The following SLIT3 variants were observed in gnomAD, a reference collection of about 807,000 sequenced individuals.
SLIT3 encodes the protein slit homolog 3 protein.
A neutral mutation model predicts 184.0 loss-of-function variants in SLIT3; 68 were observed. That is an observed-to-expected ratio of 0.37 (90% CI 0.30 to 0.45). The LOEUF (loss-of-function observed/expected upper bound fraction) is 0.45, where lower values mean the gene tolerates loss of function less well. Ranked by LOEUF, SLIT3 falls within the 20% of genes least tolerant of loss-of-function variation. The probability of loss-of-function intolerance (pLI) is 1.00; values close to 1 mark genes in which losing one functional copy is unlikely to be tolerated. For missense variants in SLIT3, 1,707 were observed against 2,026.0 expected (o/e 0.84, Z 3.02); for synonymous variants, 831 against 828.6 (o/e 1.00, Z -0.05).
intron 4 of SLIT3, among the ~76,000 whole-genome samples, chr5:168,903,750 C>T (rs1299134147): frequency 6.6e-6 from 1 of 152,136 alleles, no homozygotes; most frequent in South Asian, 2.1e-4. Flanking sequence ...CACTATGATC[C>T]CCCTCTACAA....
At chr5:168,837,585 C>G (rs552045600) in intron 6 of SLIT3, among the ~76,000 whole-genome samples, 13 of 152,336 alleles carry the variant, frequency 8.5e-5, no homozygotes, top group Middle Eastern at 3.4e-3. Context: ...CAAGCCATAA[C>G]AGGGACTCTA....
chr5:168,937,839 G>T lies in SLIT3; in HGVS notation c.414-54503C>A, dbSNP rs1016046969. Among the ~76,000 whole-genome samples the T allele has an allele frequency of 2.6e-5, 4 of 152,064 alleles. No homozygotes were observed. In the East Asian group the frequency reaches 5.8e-4, roughly 22 times the overall value. On this transcript the variant is annotated intron_variant, in intron 4 of 35. Transcript: ENST00000519560. The stretch of plus-strand genomic sequence containing the variant: ...GGTGCCTAGCACAGCACGTGGCAAA[G>T]AAAAGACTCTAATAAACGATAGCAA...
intron 1 of SLIT3, among the ~76,000 whole-genome samples, chr5:169,294,982 A>G (rs1407846295): frequency 6.6e-6 from 1 of 152,256 alleles, no homozygotes; most frequent in Non-Finnish European, 1.5e-5. Flanking sequence ...TTTACCAGGA[A>G]TAAAGCTTAC....
intron 4 of SLIT3, among the ~76,000 whole-genome samples, chr5:169,140,480 CAAAAAAAAAAAAAAA>C (rs34881862): frequency 6.4e-5 from 3 of 46,924 alleles, no homozygotes; most frequent in South Asian, 1.0e-3. Flanking sequence ...AACTCTAACT[CAAAAAAAAAAAAAAA>C]AAAAAAAAAA....
rs567843448 is a variant in SLIT3, at chr5:168,874,330, C to CTTCA, written c.485+8931_485+8934dup. On this transcript the variant is annotated intron_variant, in intron 5 of 35. Transcript: ENST00000519560. ...TCTTTGCTAGGATATCATCATGCCC[C>CTTCA]TTCATTCATTCATTCATTCAGGGTT... Among the ~76,000 whole-genome samples, 209 of 152,230 alleles carry CTTCA rather than the reference C, an allele frequency of 1.4e-3. 2 individuals carry two copies. Among genetic ancestry groups the CTTCA allele is most frequent in the Non-Finnish European group, 2.2e-3 (153 of 68,018 alleles).
chr5:168,821,555 A>T (rs1300247716), intron 7 of SLIT3, among the ~76,000 whole-genome samples: 1 of 152,198 alleles, frequency 6.6e-6, no homozygotes, highest in Non-Finnish European at 1.5e-5. Flanking sequence ...CCATTACTGC[A>T]CTACCCTATT....
At chr5:169,187,015 T>C (rs1763366920) in intron 4 of SLIT3, among the ~76,000 whole-genome samples, 1 of 44,850 alleles carries the variant, frequency 2.2e-5, no homozygotes, top group Non-Finnish European at 7.0e-5. Flanking sequence ...CAGTGGCATT[T>C]TTTTTTTTTA....
chr5:168,986,017 T>C (rs974166131), intron 4 of SLIT3, among the ~76,000 whole-genome samples: 1 of 152,170 alleles, frequency 6.6e-6, no homozygotes, highest in Non-Finnish European at 1.5e-5. Context: ...CTTCATCATG[T>C]AGTAAGGCTT....
In SLIT3 at chr5:169,275,589, C is replaced by A. The variant is rs1486038860; in HGVS notation, c.198-24130G>T. 6.6e-5 allele frequency among the ~76,000 whole-genome samples: 10 copies of A among 152,290 alleles called. No individual in the cohort carries two copies. In the East Asian group the frequency reaches 1.9e-3, roughly 29 times the overall value. ...GACTTCCACACGGTAGGGGCAGTCT[C>A]ATAATCATGGTGGAGGGTGAAAGGC... On this transcript the variant is annotated intron_variant, in intron 1 of 35. Transcript: ENST00000519560.
chr5:168,860,557 A>G (rs530171444), intron 5 of SLIT3, among the ~76,000 whole-genome samples: 7 of 152,170 alleles, frequency 4.6e-5, no homozygotes, highest in African/African-American at 1.7e-4. Flanking sequence ...GGGGAGAGAG[A>G]CTGCCCCTCC....
intron 4 of SLIT3, among the ~76,000 whole-genome samples, chr5:169,000,035 T>A (rs1194558870): frequency 6.6e-6 from 1 of 152,128 alleles, no homozygotes; most frequent in Admixed American, 6.5e-5. Flanking sequence ...CTTGCTAAAA[T>A]CAGTGCTCAA....
chr5:168,864,905 C>A (rs543259335), intron 5 of SLIT3, among the ~76,000 whole-genome samples: 2 of 152,180 alleles, frequency 1.3e-5, no homozygotes, highest in Admixed American at 6.5e-5. Flanking sequence ...CGGTGGCTCA[C>A]GCCTCTAATC....
chr5:169,231,997 A>G (rs536224533), intron 3 of SLIT3, among the ~76,000 whole-genome samples: 1 of 152,224 alleles, frequency 6.6e-6, no homozygotes, highest in Non-Finnish European at 1.5e-5. Context: ...CCATTTTTCT[A>G]CTGAGTCATT....
chr5:168,870,556 C>A (rs1759477297), intron 5 of SLIT3, among the ~76,000 whole-genome samples: 1 of 152,180 alleles, frequency 6.6e-6, no homozygotes, highest in Non-Finnish European at 1.5e-5. Flanking sequence ...TTTATGCTGT[C>A]CCTACCTGGT....
chr5:168,712,749 C>A (rs115687268), intron 23 of SLIT3: 1 of 171,300 alleles, frequency 5.8e-6, no homozygotes, highest in Non-Finnish European at 1.3e-5. Context: ...TGCTTAAGAC[C>A]GGAAGTTCTG....
At chr5:169,069,959 T>TGCAG (rs1758485228) in intron 4 of SLIT3, among the ~76,000 whole-genome samples, 1 of 152,126 alleles carries the variant, frequency 6.6e-6, no homozygotes, top group Non-Finnish European at 1.5e-5. Flanking sequence ...TTCAGAAAGG[T>TGCAG]TACTCCACGT....
At chr5:169,162,734 TC>T (rs1416532381) in intron 4 of SLIT3, among the ~76,000 whole-genome samples, 2 of 152,144 alleles carry the variant, frequency 1.3e-5, no homozygotes, top group African/African-American at 4.8e-5. Flanking sequence ...TGGGCCTGGC[TC>T]CCCTTACCTT....
At chr5:168,881,342 C>T (rs1581172329) in intron 5 of SLIT3, among the ~76,000 whole-genome samples, 4 of 152,266 alleles carry the variant, frequency 2.6e-5, no homozygotes, top group African/African-American at 9.6e-5. Context: ...ATCTGAGAAA[C>T]CCTAGCAACT....
intron 4 of SLIT3, among the ~76,000 whole-genome samples, chr5:169,143,709 G>A (rs1326973668): frequency 1.3e-5 from 2 of 152,172 alleles, no homozygotes; most frequent in Admixed American, 6.5e-5. Context: ...GCTGAGGCCC[G>A]AGAATCACTT....
Sources: gnomAD v4.1 joint callset for allele counts (sites outside exome capture counted in the v4.1 genomes callset) on GRCh38, gnomAD v4.1.1 for gene constraint, MANE v1.5 for transcripts, NCBI Gene and HGNC (gene_info 2026-07-23, HGNC 2026-07-21) for gene names.